Variants in WWTR1 observed in about 807,000 individuals in gnomAD.
The protein encoded by WWTR1 is WW domain-containing transcription regulator protein 1.
WWTR1 carries 13 observed loss-of-function variants against 40.1 expected under a neutral mutation model. That is an observed-to-expected ratio of 0.32 (90% CI 0.21 to 0.52). The LOEUF is 0.52. WWTR1 is among the 20% of genes least tolerant of loss of function. WWTR1 has a pLI of 0.97. For missense variants in WWTR1, 436 were observed against 523.1 expected (o/e 0.83, Z 1.63); for synonymous variants, 230 against 210.1 (o/e 1.09, Z -0.82).
At chr3:149,572,477 C>G (rs757797585) in intron 3 of WWTR1, among the ~76,000 whole-genome samples, 1 of 152,016 alleles carries the variant, frequency 6.6e-6, no homozygotes, top group Non-Finnish European at 1.5e-5. Context: ...AAGGTCAGAA[C>G]TGTAGTTTAA....
upstream of WWTR1, among the ~76,000 whole-genome samples, chr3:149,662,186 A>AG (rs1491387152): frequency 6.6e-6 from 1 of 152,134 alleles, no homozygotes; most frequent in Non-Finnish European, 1.5e-5. Flanking sequence ...TTAAAAAAAA[A>AG]CAAAAAACCC....
chr3:149,633,682 G>A (rs1050036429), intron 2 of WWTR1, among the ~76,000 whole-genome samples: 1 of 152,150 alleles, frequency 6.6e-6, no homozygotes, highest in Non-Finnish European at 1.5e-5. Flanking sequence ...CGGACACTAA[G>A]AGCTGTGTAG....
Position 149,526,809 on chromosome 3 carries a change from G to A in WWTR1, c.906-684C>T, listed in dbSNP as rs184722565. 2.4e-3 allele frequency among the ~76,000 whole-genome samples: 359 copies of A among 152,296 alleles called. 1 individual carries two copies. Among genetic ancestry groups the A allele is most frequent in the Non-Finnish European group, 3.6e-3 (242 of 68,024 alleles). On this transcript the variant is annotated intron_variant, in intron 5 of 6. Coordinates refer to ENST00000360632, the MANE Select transcript of WWTR1 (RefSeq NM_015472.6). ...TAATTGTATTGTTTGTTTGCCAGAC[G>A]TCTCTGCAAGGGCAGAATAAAAGGC... is the stretch of plus-strand genomic sequence containing the variant.
chr3:149,714,199 G>T (rs1434244343), intron 5 of WWTR1, among the ~76,000 whole-genome samples: 1 of 152,222 alleles, frequency 6.6e-6, no homozygotes, highest in Admixed American at 6.5e-5. Flanking sequence ...GGACCTTTCG[G>T]GTGCGGCTGC....
upstream of WWTR1, among the ~76,000 whole-genome samples, chr3:149,707,660 T>C (rs1715365691): frequency 6.6e-6 from 1 of 152,146 alleles, no homozygotes; most frequent in Admixed American, 6.5e-5. Flanking sequence ...GAGGGAATCA[T>C]TTCTCAGAGG....
chr3:149,597,602 G>C (rs1227865523), intron 2 of WWTR1, among the ~76,000 whole-genome samples: 1 of 151,872 alleles, frequency 6.6e-6, no homozygotes, highest in Non-Finnish European at 1.5e-5. Flanking sequence ...AGCTGTGTGA[G>C]AGTGAGATCC....
At chr3:149,679,775 T>C (rs1456732890) in intron 1 of WWTR1, among the ~76,000 whole-genome samples, 1 of 152,182 alleles carries the variant, frequency 6.6e-6, no homozygotes, top group Non-Finnish European at 1.5e-5. Flanking sequence ...TCAGGTGGAA[T>C]AATGATATAC....
At chr3:149,687,542 A>C (rs1559841578) in intron 1 of WWTR1, among the ~76,000 whole-genome samples, 2 of 152,196 alleles carry the variant, frequency 1.3e-5, no homozygotes. Flanking sequence ...TAACTCATTT[A>C]ATCCTTATAA....
chr3:149,570,271 T>C (rs1251808599), intron 3 of WWTR1, among the ~76,000 whole-genome samples: 25 of 152,148 alleles, frequency 1.6e-4, no homozygotes, highest in Non-Finnish European at 4.4e-5. Flanking sequence ...CACTGCCTTA[T>C]TAGAAATCTG....
intron 5 of WWTR1, among the ~76,000 whole-genome samples, chr3:149,711,477 G>T (rs1309539975): frequency 6.6e-6 from 1 of 152,042 alleles, no homozygotes; most frequent in African/African-American, 2.4e-5. Flanking sequence ...GAGGTACTAG[G>T]GGTACTAGAG....
chr3:149,656,785 T>C (rs113228569), intron 2 of WWTR1, 91 bp downstream of exon 2: 1 of 873,882 alleles, frequency 1.1e-6, no homozygotes, highest in African/African-American at 1.9e-5. Context: ...TCTCTCTCTC[T>C]CTCTCTCACA....
intron 2 of WWTR1, among the ~76,000 whole-genome samples, chr3:149,632,193 G>A (rs576783219): frequency 8.5e-5 from 13 of 152,276 alleles, no homozygotes; most frequent in East Asian, 3.9e-4. Flanking sequence ...GATTACGGGC[G>A]TGAGAGTACT....
chr3:149,685,034 G>A (rs1401372414), intron 1 of WWTR1, among the ~76,000 whole-genome samples: 2 of 152,038 alleles, frequency 1.3e-5, no homozygotes, highest in Non-Finnish European at 2.9e-5. Context: ...TTCATCATTT[G>A]TAGCCACTAA....
chr3:149,667,162 G>A (rs1348328362), intron 2 of WWTR1, among the ~76,000 whole-genome samples: 1 of 152,094 alleles, frequency 6.6e-6, no homozygotes, highest in Non-Finnish European at 1.5e-5. Flanking sequence ...ATGAAACATT[G>A]GGTCTCTACT....
chr3:149,723,230 C>A (rs1327701488), intron 4 of WWTR1, among the ~76,000 whole-genome samples: 1 of 140,588 alleles, frequency 7.1e-6, no homozygotes, highest in Non-Finnish European at 1.5e-5. Context: ...CTCCTGTTGC[C>A]CAGGCTGGAG....
intron 4 of WWTR1, among the ~76,000 whole-genome samples, chr3:149,722,416 T>C (rs1172724693): frequency 2.6e-5 from 4 of 152,156 alleles, no homozygotes; most frequent in African/African-American, 9.7e-5. Context: ...ATATTCCCCT[T>C]TGCATTACTT....
intron 2 of WWTR1, among the ~76,000 whole-genome samples, chr3:149,599,487 T>C (rs560905244): frequency 2.8e-4 from 42 of 152,220 alleles, no homozygotes; most frequent in Non-Finnish European, 2.8e-4. Context: ...GAGTAAGTCT[T>C]TGCGCAAGCA....
intron 1 of WWTR1, chr3:149,702,325 T>C (rs1024953419): frequency 6.6e-6 from 1 of 152,148 alleles, no homozygotes; most frequent in African/African-American, 2.4e-5. Context: ...TTATGAATGT[T>C]GTCTGTCTCA....
At chr3:149,610,788 C>T (rs78046234) in intron 2 of WWTR1, among the ~76,000 whole-genome samples, 8,591 of 152,224 alleles carry the variant, frequency 0.056, 315 homozygotes, top group African/African-American at 0.089. Context: ...GAACACTCTC[C>T]TATTTATACA....
Sources: gnomAD v4.1 joint callset for allele counts (sites outside exome capture counted in the v4.1 genomes callset) on GRCh38, gnomAD v4.1.1 for gene constraint, MANE v1.5 for transcripts, NCBI Gene and HGNC (gene_info 2026-07-23, HGNC 2026-07-21) for gene names.